TAF1C: variants seen among roughly 807,000 people sequenced by gnomAD.
TAF1C encodes TATA-box binding protein associated factor, RNA polymerase I subunit C.
Under a neutral mutation model 70.5 loss-of-function variants are expected in TAF1C, and 79 were observed. The ratio of observed to expected loss-of-function variants is 1.12; its 90% CI spans 0.93 to 1.35. The LOEUF (loss-of-function observed/expected upper bound fraction) is 1.35, where lower values mean the gene tolerates loss of function less well. Ranked by LOEUF, TAF1C falls within the 40% of genes most tolerant of loss-of-function variation. TAF1C has a pLI of 0.00. For synonymous variants in TAF1C, 614 were observed against 491.1 expected, an observed-to-expected ratio of 1.25 and a Z score of -3.31; for missense variants, 1,412 against 1,127.8, an observed-to-expected ratio of 1.25 and a Z score of -3.61.
Position 84,178,656 on chromosome 16 carries a change from T to C in TAF1C, c.*285A>G. 1 of 499,020 alleles carries C rather than the reference T, an allele frequency of 2.0e-6. No homozygotes were observed. The highest frequency in any genetic ancestry group is 1.9e-5 in the African/African-American group (1 of 51,758). 30.9% of individuals were successfully genotyped at this position (499,020 alleles called of 1,614,324 possible). On this transcript the variant is annotated 3_prime_UTR_variant, in exon 15 of 15. Coordinates refer to ENST00000566732, the MANE Select transcript of TAF1C (RefSeq NM_001243156.2). ...CCACAGCTGAGGCGCAGCGGAGCCC[T>C]GCCTCCCAGCACAGACTAAAATCCC...
rs2088840638 is a variant in TAF1C at position 84,178,061 on chromosome 16, A to G, written c.*880T>C. 16 of 535,170 alleles carry G rather than the reference A, an allele frequency of 3.0e-5. No homozygotes were observed. The South Asian group carries it at 3.1e-4, about 10-fold the overall frequency. The allele number at this position is 535,170 out of a possible 1,614,324, so 33.2% of individuals were successfully genotyped here. ...CCGGGTCCCTGCAAAATCTCAAGTG[A>G]GCATTTTCCCCACAGGAAAACAGAA... is the stretch of plus-strand genomic sequence containing the variant. On this transcript the variant is annotated 3_prime_UTR_variant, in exon 15 of 15. Coordinates refer to ENST00000566732, the MANE Select transcript of TAF1C (RefSeq NM_001243156.2).
chr16:84,179,920 CA>C, intron 14 of TAF1C, 25 bp downstream of exon 14: 1 of 1,599,664 alleles, frequency 6.3e-7, no homozygotes, highest in Non-Finnish European at 8.5e-7. Context: ...CTGCGCCCCC[CA>C]AGCTCACTCC....
rs1289374615 is a variant in TAF1C at position 84,179,482 on chromosome 16, T to C, written c.1991A>G (p.Gln664Arg). 3.8e-6 allele frequency: 6 copies of C among 1,598,718 alleles called. No individual in the cohort carries two copies. The African/African-American group carries it at 6.7e-5, about 18-fold the overall frequency. The change falls in exon 15 of 15, where the codon CAG becomes CGG. Residue 664 changes from glutamine to arginine, a missense_variant. Coordinates refer to ENST00000566732, the MANE Select transcript of TAF1C (RefSeq NM_001243156.2). ...GVLRKAMARG[Q>R]LLLQRDLGSL... Reference sequence around the variant, plus strand: ...GCCCAGGTCTCTCTGCAGCAGGAGCTGCCCTCGGGCCATGGCCTTGCGGAG... The same window carrying C: ...GCCCAGGTCTCTCTGCAGCAGGAGCCGCCCTCGGGCCATGGCCTTGCGGAG...
At position 84,183,419 on chromosome 16, in the gene TAF1C, C is replaced by G. The variant is rs750995515; in HGVS notation, c.309G>C (p.Val103=). The G allele has an allele frequency of 6.2e-7, 1 of 1,612,882 alleles. No homozygotes were observed. The highest frequency in any genetic ancestry group is 8.5e-7 in the Non-Finnish European group (1 of 1,179,368). Residue 103 remains valine (V), a synonymous_variant, in exon 4 of 15, where the codon GTG becomes GTC. Coordinates refer to ENST00000566732, the MANE Select transcript of TAF1C (RefSeq NM_001243156.2). Reference sequence around the variant, plus strand: ...CCGTGGGCCCACTCACCTGCTCAGTCACATCCAGCACGACTCGGGGCCGCT... The same window carrying G: ...CCGTGGGCCCACTCACCTGCTCAGTGACATCCAGCACGACTCGGGGCCGCT... ...YRKRPRVVLD[V]TEQISRFLLD...
Position 84,179,472 on chromosome 16 carries a change from C to T in TAF1C, c.2001G>A (p.Leu667=). The T allele has an allele frequency of 6.3e-7, 1 of 1,597,884 alleles. No individual in the cohort carries two copies. Among genetic ancestry groups the T allele is most frequent in the South Asian group, 1.1e-5 (1 of 90,734 alleles). Residue 667 remains leucine, a synonymous_variant, in exon 15 of 15, where the codon CTG becomes CTA. Transcript: ENST00000566732. ...RKAMARGQLL[L]QRDLGSLPAA... ...CAGGGAGGGAGCCCAGGTCTCTCTG[C>T]AGCAGGAGCTGCCCTCGGGCCATGG...
At position 84,185,009 on chromosome 16, in the gene TAF1C, A is replaced by T. The variant is rs1322398109; in HGVS notation, c.-21T>A. 1 of 1,610,938 alleles carries T rather than the reference A, an allele frequency of 6.2e-7. No homozygotes were observed. Among genetic ancestry groups the T allele is most frequent in the East Asian group, 2.2e-5 (1 of 44,810 alleles). On this transcript the variant is annotated 5_prime_UTR_variant, in exon 2 of 15. Transcript: ENST00000566732. ...TCCATCCTGGAAACAAGGACCAAGC[A>T]CCACACTGGCCACCTCGAGAGACTG...
Position 84,180,241 on chromosome 16 carries a change from G to T in TAF1C, c.1412C>A (p.Pro471His). The T allele has an allele frequency of 6.5e-7, 1 of 1,541,436 alleles. No individual in the cohort carries two copies. Among genetic ancestry groups the T allele is most frequent in the Non-Finnish European group, 8.7e-7 (1 of 1,147,528 alleles). ...PLLLARLLPPPRPSCVQPLLL... is the reference protein window; with the variant it reads ...PLLLARLLPPHRPSCVQPLLL... The stretch of plus-strand genomic sequence containing the variant: ...CAGGGGCTGCACGCAGCTGGGCCGG[G>T]GCGGAGGCAGCAGTCGGGCCAGCAG... Residue 471 changes from proline (P) to histidine (H), a missense_variant, in exon 13 of 15, where the codon CCC (proline) becomes CAC (histidine). Physicochemically the swap from Pro to His is moderately conservative, Grantham distance 77. Transcript: ENST00000566732.
At position 84,179,741 on chromosome 16, in the gene TAF1C, C is replaced by A; in HGVS notation, c.1732G>T (p.Asp578Tyr). The part of the protein sequence containing the change: ...VFYQQLRPQV[D>Y]SSLRRDAGPP... ...CCAGCATCTCTGCGGAGGCTGGAGT[C>A]CACCTGGGGGCGGAGCTGCTGGTAG... is the stretch of plus-strand genomic sequence containing the variant. Residue 578 changes from aspartate (D) to tyrosine (Y), a missense_variant, in exon 15 of 15, where the codon GAC becomes TAC. Physicochemically the swap from Asp to Tyr is radical, Grantham distance 160. Transcript: ENST00000566732. The A allele has an allele frequency of 6.2e-7, 1 of 1,611,298 alleles. No homozygotes were observed. The highest frequency in any genetic ancestry group is 2.2e-5 in the East Asian group (1 of 44,844).
At chr16:84,185,135 C>T in intron 1 of TAF1C, 75 bp from the exon 2 acceptor site, 1 of 974,416 alleles carries the variant, frequency 1.0e-6, no homozygotes. Flanking sequence ...AATATGTAGC[C>T]CAAGGCCAAG....
Position 84,181,136 on chromosome 16 carries a change from C to T in TAF1C, c.1215G>A (p.Ser405=), listed in dbSNP as rs751556930. 54 of 1,612,714 alleles carry T rather than the reference C, an allele frequency of 3.3e-5. No individual in the cohort carries two copies. Among genetic ancestry groups the T allele is most frequent in the Admixed American group, 2.5e-4 (15 of 59,952 alleles). The part of the protein sequence containing the change: ...LLLFRLGAEA[S]CQKGERVLLT... ...GCAGGACACGTTCCCCTTTCTGGCA[C>T]GAAGCCTCTGCCCCCAAACGAAAAA... Residue 405 remains serine, a synonymous_variant, in exon 12 of 15, where the codon TCG becomes TCA. Transcript: ENST00000566732.
Position 84,181,328 on chromosome 16 carries a change from C to T in TAF1C, c.1164G>A (p.Gln388=). 1 of 1,613,374 alleles carries T rather than the reference C, an allele frequency of 6.2e-7. No homozygotes were observed. ...DRTGVKMLDT[Q]GPPGCGLLLF... ...TGGGTCCTCTGCCGCCAGCCCGTAC[C>T]TGAGTGTCCAGCATCTTCACTCCGG... Residue 388 remains glutamine, a splice_region_variant and synonymous_variant, in exon 11 of 15, where the codon CAG becomes CAA. Coordinates refer to ENST00000566732, the MANE Select transcript of TAF1C (RefSeq NM_001243156.2).
Position 84,184,991 on chromosome 16 carries a change from T to C in TAF1C, c.-3A>G, listed in dbSNP as rs1377155840. The C allele has an allele frequency of 3.4e-5, 55 of 1,612,788 alleles. No homozygotes were observed. The highest frequency in any genetic ancestry group is 4.5e-5 in the Non-Finnish European group (53 of 1,179,430). The stretch of plus-strand genomic sequence containing the variant: ...CGGAGGGAGCTGGGGAAGTCCATCC[T>C]GGAAACAAGGACCAAGCACCACACT... On this transcript the variant is annotated 5_prime_UTR_variant, in exon 2 of 15. Coordinates refer to ENST00000566732, the MANE Select transcript of TAF1C (RefSeq NM_001243156.2).
rs763766155 is a variant in TAF1C at position 84,179,267 on chromosome 16, G to A, written c.2206C>T (p.Leu736Phe). ...TCTGAGGGATCCACATGGCCACTGA[G>A]CGAAAAGCTGCTGGACAGCTGGGTC... ...RRTQLSSSFS[L>F]SGHVDPSEDT... The change falls in exon 15 of 15, where the codon CTC (leucine) becomes TTC (phenylalanine). Residue 736 changes from leucine to phenylalanine, a missense_variant. Coordinates refer to ENST00000566732, the MANE Select transcript of TAF1C (RefSeq NM_001243156.2). 1.6e-5 allele frequency: 25 copies of A among 1,586,316 alleles called. No individual in the cohort carries two copies. The highest frequency in any genetic ancestry group is 2.7e-5 in the African/African-American group (2 of 74,686).
intron 2 of TAF1C, 116 bp downstream of exon 2, chr16:84,184,735 C>G (rs2089388806): frequency 2.1e-5 from 28 of 1,335,982 alleles, no homozygotes; most frequent in Non-Finnish European, 2.8e-5. Context: ...TGTGTCTCAG[C>G]AGACTCGTGT....
intron 11 of TAF1C, 32 bp downstream of exon 11, chr16:84,181,296 G>A: frequency 6.2e-7 from 1 of 1,609,816 alleles, no homozygotes; most frequent in Non-Finnish European, 8.5e-7. Flanking sequence ...CGCTCCCGCA[G>A]TCGGGGTGGG....
In TAF1C at chr16:84,180,122, C is replaced by T. The variant is rs4150166; in HGVS notation, c.1484-39G>A. 0.014 allele frequency: 21,494 copies of T among 1,565,134 alleles called. 194 individuals are homozygous for T. The highest frequency in any genetic ancestry group is 0.016 in the Non-Finnish European group (18,691 of 1,161,202). On this transcript the variant is annotated intron_variant, in intron 13 of 14. Coordinates refer to ENST00000566732, the MANE Select transcript of TAF1C (RefSeq NM_001243156.2). ...GACAGCTGAGGCCCTGTCCAGGCCC[C>T]GACCGCCCCATCTCCCACACGCCGC...
chr16:84,181,997 G>A lies in TAF1C; in HGVS notation c.783C>T (p.Arg261=). 1 of 1,613,758 alleles carries A rather than the reference G, an allele frequency of 6.2e-7. No homozygotes were observed. Among genetic ancestry groups the A allele is most frequent in the South Asian group, 1.1e-5 (1 of 91,084 alleles). The part of the protein sequence containing the change: ...DNPQFLGKPG[R]IQLQGPVRQV... ...GCCGGACAGGTCCCTGGAGCTGGAT[G>A]CGTCCAGGTTTCCCAAGGAATTGGG... Residue 261 remains arginine (R), a synonymous_variant, in exon 8 of 15, where the codon CGC becomes CGT. Transcript: ENST00000566732.
In TAF1C at chr16:84,180,092, G is replaced by C. The variant is rs751186288; in HGVS notation, c.1484-9C>G. On this transcript the variant is annotated splice_polypyrimidine_tract_variant and intron_variant, in intron 13 of 14. Coordinates refer to ENST00000566732, the MANE Select transcript of TAF1C (RefSeq NM_001243156.2). ...CACCGACGCCCCTTCTCCTGAGGAAGGACAGACAGCTGAGGCCCTGTCCAG... is the reference window on the plus strand; with the variant it reads ...CACCGACGCCCCTTCTCCTGAGGAACGACAGACAGCTGAGGCCCTGTCCAG... The C allele has an allele frequency of 6.3e-7, 1 of 1,589,256 alleles. No homozygotes were observed. The highest frequency in any genetic ancestry group is 1.1e-5 in the South Asian group (1 of 87,038).
Position 84,183,408 on chromosome 16 carries a change from A to G in TAF1C, c.318+2T>C, listed in dbSNP as rs1567597276. 1 of 1,612,940 alleles carries G rather than the reference A, an allele frequency of 6.2e-7. No homozygotes were observed. ...AGCACTGTCCCCCGTGGGCCCACTC[A>G]CCTGCTCAGTCACATCCAGCACGAC... On this transcript the variant is annotated splice_donor_variant, in intron 4 of 14. Coordinates refer to ENST00000566732, the MANE Select transcript of TAF1C (RefSeq NM_001243156.2). LOFTEE classifies it high-confidence loss of function.
Sources: gnomAD v4.1 joint callset for allele counts on GRCh38, gnomAD v4.1.1 for gene constraint, MANE v1.5 for transcripts, NCBI Gene and HGNC (gene_info 2026-07-23, HGNC 2026-07-21) for gene names.